SMARCA4: variants seen among roughly 807,000 people sequenced by gnomAD.
The protein encoded by SMARCA4 is SWI/SNF-related matrix-associated actin-dependent regulator of chromatin subfamily A member 4.
SMARCA4 carries 31 observed loss-of-function variants against 193.9 expected under a neutral mutation model. The ratio of observed to expected loss-of-function variants is 0.16; its 90% CI spans 0.12 to 0.22. The LOEUF (loss-of-function observed/expected upper bound fraction) is 0.22, where lower values mean the gene tolerates loss of function less well. SMARCA4 is among the 10% of genes least tolerant of loss of function. The pLI, the probability that SMARCA4 is intolerant of heterozygous loss-of-function variation, is 1.00. For synonymous variants in SMARCA4, 942 were observed against 933.1 expected, an observed-to-expected ratio of 1.01 and a Z score of -0.17; for missense variants, 1,148 against 2,296.0, an observed-to-expected ratio of 0.50 and a Z score of 10.22.
intron 6 of SMARCA4, among the ~76,000 whole-genome samples, chr19:10,988,903 A>C (rs1369313182): frequency 6.6e-6 from 1 of 152,198 alleles, no homozygotes; most frequent in Non-Finnish European, 1.5e-5. Flanking sequence ...TAACCTTCGT[A>C]ACCTTCAGAC....
Position 10,984,518 on chromosome 19 carries a change from G to C in SMARCA4, c.222+145G>C. 1 of 1,413,052 alleles carries C rather than the reference G, an allele frequency of 7.1e-7. No homozygotes were observed. Among genetic ancestry groups the C allele is most frequent in the South Asian group, 1.3e-5 (1 of 77,176 alleles). The allele number at this position is 1,413,052 out of a possible 1,614,324, so 87.5% of individuals were successfully genotyped here. A position where few individuals can be genotyped will look rare whatever the true frequency, so the allele number is the denominator to read the frequency against. On this transcript the variant is annotated intron_variant, in intron 2 of 34. Transcript: ENST00000344626. The surrounding 1 kb of genome is among the most constrained non-coding windows in gnomAD (Gnocchi z 4.3). Reference sequence around the variant, plus strand: ...GCCTTGGCTCAGCCCCCTACCCCAGGGCCCACGGCCATGAACAGAAGGTTC... The same window carrying C: ...GCCTTGGCTCAGCCCCCTACCCCAGCGCCCACGGCCATGAACAGAAGGTTC...
At chr19:11,044,304 A>G (rs184711270) in intron 30 of SMARCA4, among the ~76,000 whole-genome samples, 1 of 152,344 alleles carries the variant, frequency 6.6e-6, no homozygotes, top group Non-Finnish European at 1.5e-5. Context: ...CTTCATGAGT[A>G]GGCATCGATT....
In SMARCA4 at chr19:11,034,246, C is replaced by A. The variant is rs2146682143; in HGVS notation, c.3951+46C>A. 1.4e-6 allele frequency: 2 copies of A among 1,460,136 alleles called. No homozygotes were observed. The highest frequency in any genetic ancestry group is 1.4e-5 in the African/African-American group (1 of 71,962). The allele number at this position is 1,460,136 out of a possible 1,614,324, so 90.4% of individuals were successfully genotyped here. A position where few individuals can be genotyped will look rare whatever the true frequency, so the allele number is the denominator to read the frequency against. On this transcript the variant is annotated intron_variant, in intron 28 of 34. Coordinates refer to ENST00000344626, the MANE Select transcript of SMARCA4 (RefSeq NM_003072.5). This position sits in a 1 kb window ranked among gnomAD's most constrained non-coding sequence, Gnocchi z 7.0. ...GGGGCAGTTCAGGCATCCCACTCTG[C>A]TGCCACCAGGAGCAAAGCAGACGTC...
intron 32 of SMARCA4, chr19:11,059,141 A>C (rs2076714324): frequency 2.1e-6 from 1 of 471,040 alleles, no homozygotes; most frequent in East Asian, 3.8e-5. Flanking sequence ...AAAAATTTCC[A>C]ACTTGGGATA....
chr19:10,996,588 A>G (rs2087075029), intron 11 of SMARCA4, 44 bp downstream of exon 11: 1 of 1,570,762 alleles, frequency 6.4e-7, no homozygotes, highest in Non-Finnish European at 8.8e-7. Flanking sequence ...GCTAGCCCTA[A>G]GGCGTTGGTC....
In SMARCA4 at chr19:11,030,637, C is replaced by A; in HGVS notation, c.3383-93C>A. 2 of 1,193,496 alleles carry A rather than the reference C, an allele frequency of 1.7e-6. No individual in the cohort carries two copies. Among genetic ancestry groups the A allele is most frequent in the African/African-American group, 1.5e-5 (1 of 66,678 alleles). The allele number at this position is 1,193,496 out of a possible 1,614,324, so 73.9% of individuals were successfully genotyped here. The stretch of plus-strand genomic sequence containing the variant: ...TCTGGGGATGCTGGCAGGTGCTGAT[C>A]CTGCTCCTGCTCTCAGAAGCAGGTG... On this transcript the variant is annotated intron_variant, in intron 24 of 34. Transcript: ENST00000344626. This position sits in a 1 kb window ranked among gnomAD's most constrained non-coding sequence, Gnocchi z 5.5.
chr19:10,973,826 TC>T (rs1424073961), intron 1 of SMARCA4, among the ~76,000 whole-genome samples: 1 of 152,112 alleles, frequency 6.6e-6, no homozygotes, highest in Non-Finnish European at 1.5e-5. Flanking sequence ...CGCCTTGGCC[TC>T]CCAAAGTGCT....
chr19:11,018,561 A>T (rs2089583183), intron 16 of SMARCA4, among the ~76,000 whole-genome samples: 1 of 152,174 alleles, frequency 6.6e-6, no homozygotes, highest in South Asian at 2.1e-4. Flanking sequence ...TGTCTCCTAT[A>T]TCCTCAGGTC....
At chr19:10,995,030 C>G (rs369649184) in intron 9 of SMARCA4, 29 bp downstream of exon 9, 77 of 1,582,970 alleles carry the variant, frequency 4.9e-5, no homozygotes, top group Non-Finnish European at 6.2e-5. Context: ...GACGTGCGCT[C>G]TTCTACATGT....
At chr19:10,972,954 C>CAA (rs2084799391) in intron 1 of SMARCA4, among the ~76,000 whole-genome samples, 1 of 152,080 alleles carries the variant, frequency 6.6e-6, no homozygotes, top group Non-Finnish European at 1.5e-5. Context: ...ACAAAAAATA[C>CAA]GAAAATTAGC....
chr19:10,974,432 T>A (rs2084931407), intron 1 of SMARCA4, among the ~76,000 whole-genome samples: 1 of 151,312 alleles, frequency 6.6e-6, no homozygotes, highest in Admixed American at 6.6e-5. Flanking sequence ...GGGTATTTAT[T>A]TCATGGGTAT....
intron 30 of SMARCA4, among the ~76,000 whole-genome samples, chr19:11,055,806 C>G (rs928756661): frequency 7.1e-4 from 108 of 152,104 alleles, no homozygotes; most frequent in African/African-American, 2.6e-3. Context: ...GTTGTCCAGG[C>G]TGGTCTCAAA....
At chr19:11,037,467 A>G (rs1163822007) in intron 29 of SMARCA4, among the ~76,000 whole-genome samples, 2 of 152,166 alleles carry the variant, frequency 1.3e-5, no homozygotes, top group Non-Finnish European at 2.9e-5. Context: ...CTAGAAAGAG[A>G]TGTCTAGTCA....
rs964637739 is a variant in SMARCA4, at chr19:11,030,601, G to A, written c.3383-129G>A. 2.2e-5 allele frequency: 18 copies of A among 832,182 alleles called. No homozygotes were observed. Among genetic ancestry groups the A allele is most frequent in the East Asian group, 1.6e-4 (6 of 37,552 alleles). The allele number at this position is 832,182 out of a possible 1,614,324, so 51.5% of individuals were successfully genotyped here. A position where few individuals can be genotyped will look rare whatever the true frequency, so the allele number is the denominator to read the frequency against. On this transcript the variant is annotated intron_variant, in intron 24 of 34. Transcript: ENST00000344626. This position sits in a 1 kb window ranked among gnomAD's most constrained non-coding sequence, Gnocchi z 5.5. ...GCCCACAGGCCCGTGTGGAGAGTGC[G>A]GAGCCAGGGATCTGGGGATGCTGGC... is the stretch of plus-strand genomic sequence containing the variant.
intron 11 of SMARCA4, among the ~76,000 whole-genome samples, chr19:10,999,271 A>G (rs565841663): frequency 2.0e-5 from 3 of 152,142 alleles, no homozygotes; most frequent in Non-Finnish European, 1.5e-5. Context: ...GCTTCCTGCT[A>G]GTGGGCCATC....
chr19:10,968,565 C>T (rs1236865741), intron 1 of SMARCA4, among the ~76,000 whole-genome samples: 1 of 151,700 alleles, frequency 6.6e-6, no homozygotes, highest in Non-Finnish European at 1.5e-5. Context: ...TTAGGCTGGT[C>T]TTTAACTCCT....
intron 24 of SMARCA4, among the ~76,000 whole-genome samples, chr19:11,028,879 A>G (rs929749600): frequency 1.3e-5 from 2 of 152,182 alleles, no homozygotes; most frequent in African/African-American, 4.8e-5. Flanking sequence ...GTTGTTCCCT[A>G]CACGACCTCC....
In SMARCA4 at chr19:11,054,910, G is replaced by A. The variant is rs191490631; in HGVS notation, c.4425-3345G>A. Among the ~76,000 whole-genome samples the A allele has an allele frequency of 2.7e-4, 41 of 152,290 alleles. No individual in the cohort carries two copies. In the East Asian group the frequency reaches 5.8e-3, roughly 22 times the overall value. The stretch of plus-strand genomic sequence containing the variant: ...TAGGCCTTGACACGAGCATGGGAGC[G>A]GAGCTAGGGGCACTGACATCAAAGG... On this transcript the variant is annotated intron_variant, in intron 30 of 34. Transcript: ENST00000344626.
chr19:10,966,923 G>A (rs1689587315), intron 1 of SMARCA4, among the ~76,000 whole-genome samples: 1 of 152,034 alleles, frequency 6.6e-6, no homozygotes, highest in Non-Finnish European at 1.5e-5. Flanking sequence ...GGTTGGGAAG[G>A]ATAACAGCTG....
Sources: gnomAD v4.1 joint callset for allele counts (sites outside exome capture counted in the v4.1 genomes callset) on GRCh38, gnomAD v4.1.1 for gene constraint, Gnocchi (gnomAD v3.1) non-coding constraint, MANE v1.5 for transcripts, NCBI Gene and HGNC (gene_info 2026-07-23, HGNC 2026-07-21) for gene names.